The following KIF16B variants were observed in gnomAD, a reference collection of about 807,000 sequenced individuals.
KIF16B encodes the protein kinesin family member 16B, also known as kinesin-like protein KIF16B.
In KIF16B, 98 loss-of-function variants were observed where a neutral mutation model predicts 156.3. The ratio of observed to expected loss-of-function variants is 0.63; its 90% CI spans 0.53 to 0.74. The LOEUF is 0.74. Among genes scored for constraint, KIF16B ranks in the 30% least tolerant of loss-of-function variants. The pLI, the probability that KIF16B is intolerant of heterozygous loss-of-function variation, is 0.00. For missense variants in KIF16B, 1,421 were observed against 1,606.5 expected (o/e 0.88, Z 1.97); for synonymous variants, 564 against 583.7 (o/e 0.97, Z 0.49).
chr20:16,569,602 C>A (rs946807826), intron 1 of KIF16B, among the ~76,000 whole-genome samples: 4 of 152,210 alleles, frequency 2.6e-5, no homozygotes, highest in African/African-American at 9.7e-5. Flanking sequence ...TACTCCACCA[C>A]CAGCAGTCCT....
At chr20:16,329,948 A>G (rs1457867132) in intron 24 of KIF16B, among the ~76,000 whole-genome samples, 1 of 152,242 alleles carries the variant, frequency 6.6e-6, no homozygotes, top group Non-Finnish European at 1.5e-5. Flanking sequence ...GATCACATGC[A>G]GCAAATCTGT....
intron 12 of KIF16B, among the ~76,000 whole-genome samples, chr20:16,446,692 T>C (rs1439683123): frequency 6.6e-6 from 1 of 152,218 alleles, no homozygotes; most frequent in East Asian, 1.9e-4. Context: ...AAAAAGTCCC[T>C]GGATTCTAAT....
chr20:16,528,430 A>G lies in KIF16B; in HGVS notation c.58T>C (p.Leu20=). Residue 20 remains leucine (L), a synonymous_variant, in exon 2 of 26, where the codon TTG becomes CTG. Transcript: ENST00000354981. ...VRPMNRREKD[L]EAKFIIQMEK... is the part of the protein sequence containing the mutation. ...ATCTGAATAATGAACTTGGCCTCCA[A>G]GTCCTTTTCCCTGCAATACAAATAA... 6.2e-7 allele frequency: 1 copy of G among 1,611,976 alleles called. No individual in the cohort carries two copies. The highest frequency in any genetic ancestry group is 8.5e-7 in the Non-Finnish European group (1 of 1,177,998).
At chr20:16,330,894 C>T (rs929344837) in intron 24 of KIF16B, among the ~76,000 whole-genome samples, 6 of 152,246 alleles carry the variant, frequency 3.9e-5, no homozygotes, top group African/African-American at 1.4e-4. Context: ...CAGAGTGGTT[C>T]TCACACATGC....
chr20:16,288,694 C>T (rs370611772), intron 25 of KIF16B, among the ~76,000 whole-genome samples: 2 of 150,602 alleles, frequency 1.3e-5, no homozygotes, highest in African/African-American at 4.9e-5. Context: ...AGTGGAAGAG[C>T]ATCTGTATGG....
At chr20:16,274,707 C>T (rs536538373) in intron 25 of KIF16B, among the ~76,000 whole-genome samples, 6 of 152,322 alleles carry the variant, frequency 3.9e-5, no homozygotes, top group African/African-American at 1.4e-4. Context: ...GAGTGTTCAG[C>T]AGTGTTTGGT....
chr20:16,414,826 G>T (rs894441535), intron 15 of KIF16B, among the ~76,000 whole-genome samples: 4 of 152,088 alleles, frequency 2.6e-5, no homozygotes, highest in African/African-American at 9.7e-5. Flanking sequence ...ACTTAAGACG[G>T]TTCTACTTAC....
chr20:16,289,203 T>A (rs2063276425), intron 25 of KIF16B, among the ~76,000 whole-genome samples: 1 of 152,146 alleles, frequency 6.6e-6, no homozygotes, highest in South Asian at 2.1e-4. Context: ...AAAAACAGAA[T>A]GGCTGTATGA....
At chr20:16,344,839 C>T (rs1340262345) in intron 23 of KIF16B, among the ~76,000 whole-genome samples, 2 of 152,198 alleles carry the variant, frequency 1.3e-5, no homozygotes, top group African/African-American at 2.4e-5. Context: ...ATTAGAGTCA[C>T]CTAAGATCAA....
At chr20:16,330,637 G>T (rs2063931796) in intron 24 of KIF16B, among the ~76,000 whole-genome samples, 1 of 152,216 alleles carries the variant, frequency 6.6e-6, no homozygotes, top group Non-Finnish European at 1.5e-5. Flanking sequence ...ACCTGATAAG[G>T]TGACATGCCA....
At chr20:16,432,904 C>T (rs1045320465) in intron 12 of KIF16B, among the ~76,000 whole-genome samples, 6 of 152,202 alleles carry the variant, frequency 3.9e-5, no homozygotes, top group Non-Finnish European at 7.4e-5. Flanking sequence ...TCAATTACCA[C>T]TCTTATCAGC....
At chr20:16,520,342 G>A (rs999054466) in intron 3 of KIF16B, among the ~76,000 whole-genome samples, 1 of 152,088 alleles carries the variant, frequency 6.6e-6, no homozygotes, top group Non-Finnish European at 1.5e-5. Context: ...GCTTAGTGGG[G>A]GGAGGGGCAT....
chr20:16,316,585 G>C (rs187179528), intron 24 of KIF16B, among the ~76,000 whole-genome samples: 1 of 152,096 alleles, frequency 6.6e-6, no homozygotes, highest in Non-Finnish European at 1.5e-5. Context: ...CTGACCTGCT[G>C]AATGACTGGA....
chr20:16,367,547 CAG>C, intron 22 of KIF16B: 1 of 1,612,812 alleles, frequency 6.2e-7, no homozygotes, highest in Non-Finnish European at 8.5e-7. Context: ...TGGTCATGGC[CAG>C]AGTCACCCAT....
chr20:16,392,511 G>A (rs184413309), intron 17 of KIF16B, among the ~76,000 whole-genome samples: 64 of 152,278 alleles, frequency 4.2e-4, no homozygotes, highest in African/African-American at 1.3e-3. Context: ...AAAAGGCACC[G>A]CAGTTCCTCT....
At chr20:16,333,424 C>T (rs988567805) in intron 24 of KIF16B, among the ~76,000 whole-genome samples, 1 of 152,212 alleles carries the variant, frequency 6.6e-6, no homozygotes, top group African/African-American at 2.4e-5. Context: ...ATTCTCTCTA[C>T]TTCATGAGAA....
At chr20:16,382,091 T>G (rs753901368) in intron 17 of KIF16B, 40 of 1,348,638 alleles carry the variant, frequency 3.0e-5, no homozygotes, top group Non-Finnish European at 4.0e-5. Flanking sequence ...AAATGGAGAA[T>G]CTCTACCTTA....
chr20:16,569,022 T>C (rs985058560), intron 1 of KIF16B, among the ~76,000 whole-genome samples: 1 of 151,942 alleles, frequency 6.6e-6, no homozygotes, highest in African/African-American at 2.4e-5. Flanking sequence ...CATGAGGTCC[T>C]TGTGAATGGG....
intron 15 of KIF16B, among the ~76,000 whole-genome samples, chr20:16,415,911 G>A (rs1316912806): frequency 6.6e-6 from 1 of 152,094 alleles, no homozygotes; most frequent in Non-Finnish European, 1.5e-5. Context: ...GCATGTAGTA[G>A]TTATTTGAGG....
Sources: allele counts gnomAD v4.1 joint callset (sites outside exome capture counted in the v4.1 genomes callset), GRCh38; gene constraint gnomAD v4.1.1; transcripts MANE v1.5; gene names NCBI Gene and HGNC (gene_info 2026-07-23, HGNC 2026-07-21).